GAB2: variants seen among roughly 807,000 people sequenced by gnomAD.
The protein encoded by GAB2 is GRB2 associated binding protein 2.
A neutral mutation model predicts 65.5 loss-of-function variants in GAB2; 26 were observed. The observed-to-expected ratio is 0.40, with a 90% CI of 0.29 to 0.55. The LOEUF is 0.55. Ranked by LOEUF, GAB2 falls within the 20% of genes least tolerant of loss-of-function variation. The pLI, the probability that GAB2 is intolerant of heterozygous loss-of-function variation, is 0.53. For missense variants in GAB2, 884 were observed against 875.8 expected (o/e 1.01, Z -0.12); for synonymous variants, 321 against 329.6 (o/e 0.97, Z 0.28).
rs1328536143 is a variant in GAB2, at chr11:78,353,940, AAC to A, written c.75+63704_75+63705del. 2.6e-5 allele frequency among the ~76,000 whole-genome samples: 4 copies of A among 152,238 alleles called. No homozygotes were observed. The East Asian group carries it at 7.7e-4, about 29-fold the overall frequency. The stretch of plus-strand genomic sequence containing the variant: ...TCAGAATCACCGGAAAGCTTGGTAA[AAC>A]ACAGACTGAAGGCTCCCAGCCTAGA... On this transcript the variant is annotated intron_variant, in intron 1 of 9. Coordinates refer to ENST00000361507, the MANE Select transcript of GAB2 (RefSeq NM_080491.3).
At chr11:78,260,120 G>A (rs758321518) in intron 2 of GAB2, among the ~76,000 whole-genome samples, 11 of 152,118 alleles carry the variant, frequency 7.2e-5, no homozygotes, top group Non-Finnish European at 7.4e-5. Context: ...ACTATAAAGC[G>A]GAGGAAGAAA....
chr11:78,402,119 C>T (rs960349653), intron 1 of GAB2, among the ~76,000 whole-genome samples: 1 of 152,206 alleles, frequency 6.6e-6, no homozygotes, highest in Admixed American at 6.5e-5. Context: ...AGCTTCAAAG[C>T]CTTCTATTCC....
At chr11:78,362,301 T>C (rs1856444606) in intron 1 of GAB2, among the ~76,000 whole-genome samples, 1 of 152,110 alleles carries the variant, frequency 6.6e-6, no homozygotes. Context: ...ACAGTATACT[T>C]TTCAAATATT....
chr11:78,238,658 G>T (rs1865054186), intron 3 of GAB2, among the ~76,000 whole-genome samples: 1 of 151,896 alleles, frequency 6.6e-6, no homozygotes. Context: ...AGACCTAAAT[G>T]TAAGAGCTAC....
rs546524144 is a variant in GAB2, at chr11:78,248,958, T to G, written c.620+1199A>C. ...TATCTTTTTAGGACTCAGCTCTTCA[T>G]GTATAAGTTGATGGAAGTTGAACTA... On this transcript the variant is annotated intron_variant, in intron 3 of 9. Transcript: ENST00000361507. Among the ~76,000 whole-genome samples the G allele has an allele frequency of 4.6e-5, 7 of 152,372 alleles. No homozygotes were observed. In the South Asian group the frequency reaches 1.4e-3, roughly 32 times the overall value.
intron 2 of GAB2, among the ~76,000 whole-genome samples, chr11:78,273,186 T>C (rs569384554): frequency 9.2e-5 from 14 of 152,186 alleles, no homozygotes; most frequent in African/African-American, 3.4e-4. Flanking sequence ...CACCGCCTAG[T>C]GGAGCTGTGA....
intron 1 of GAB2, among the ~76,000 whole-genome samples, chr11:78,411,814 G>A (rs1238199750): frequency 4.6e-5 from 7 of 151,696 alleles, no homozygotes; most frequent in African/African-American, 1.5e-4. Flanking sequence ...GGCGGATCAC[G>A]AGGTCAAGAG....
In GAB2 at chr11:78,317,534, T is replaced by C. The variant is rs141497198; in HGVS notation, c.76-36633A>G. On this transcript the variant is annotated intron_variant, in intron 1 of 9. Coordinates refer to ENST00000361507, the MANE Select transcript of GAB2 (RefSeq NM_080491.3). The stretch of plus-strand genomic sequence containing the variant: ...GAGATGGCGCCACTGCACTCCAGCC[T>C]GGCAACAGTGCGAGACTCCGTCTCA... Among the ~76,000 whole-genome samples, 1,048 of 116,870 alleles carry C rather than the reference T, an allele frequency of 9.0e-3. 10 individuals are homozygous for C. The highest frequency in any genetic ancestry group is 0.034 in the African/African-American group (994 of 29,534). The allele number at this position is 116,870 out of a possible 152,430, so 76.7% of individuals were successfully genotyped here. A position where few individuals can be genotyped will look rare whatever the true frequency, so the allele number is the denominator to read the frequency against.
In GAB2 at chr11:78,231,162, A is replaced by G. The variant is rs149566034; in HGVS notation, c.621-4111T>C. On this transcript the variant is annotated intron_variant, in intron 3 of 9. Transcript: ENST00000361507. ...AGTTGGAGCAGGAAGATACTCAAAC[A>G]CAAGCACGTATGGGAGCTCCCCAGA... Among the ~76,000 whole-genome samples, 541 of 152,292 alleles carry G rather than the reference A, an allele frequency of 3.6e-3. 3 individuals are homozygous for G. The highest frequency in any genetic ancestry group is 0.012 in the African/African-American group (514 of 41,552).
intron 2 of GAB2, 73 bp from the exon 3 acceptor site, chr11:78,250,473 G>A (rs1183044382): frequency 2.2e-6 from 3 of 1,380,412 alleles, no homozygotes; most frequent in Admixed American, 1.8e-5. Context: ...AGTTGTCAGA[G>A]GAAGAAAAAA....
intron 1 of GAB2, among the ~76,000 whole-genome samples, chr11:78,327,864 A>G (rs1244895134): frequency 6.6e-6 from 1 of 152,234 alleles, no homozygotes; most frequent in Non-Finnish European, 1.5e-5. Context: ...GATGGATATA[A>G]TACCTTACTA....
intron 1 of GAB2, among the ~76,000 whole-genome samples, chr11:78,391,296 T>C (rs1233057670): frequency 6.6e-6 from 1 of 151,830 alleles, no homozygotes; most frequent in African/African-American, 2.4e-5. Flanking sequence ...GTCTCTAAAT[T>C]AAAAAATAAA....
chr11:78,250,490 G>A, intron 2 of GAB2, 90 bp from the exon 3 acceptor site: 3 of 1,194,804 alleles, frequency 2.5e-6, no homozygotes, highest in Non-Finnish European at 3.7e-6. Context: ...AAAAGAGTAA[G>A]AGCAGAGAAA....
At chr11:78,266,214 C>CAAAA (rs11445907) in intron 2 of GAB2, among the ~76,000 whole-genome samples, 3,188 of 64,672 alleles carry the variant, frequency 0.049, 592 homozygotes, top group Non-Finnish European at 0.058. Flanking sequence ...GACTCCATCT[C>CAAAA]AAAAAAAAAA....
At chr11:78,382,031 T>A (rs986596081) in intron 1 of GAB2, among the ~76,000 whole-genome samples, 67 of 152,366 alleles carry the variant, frequency 4.4e-4, no homozygotes, top group African/African-American at 1.4e-3. Flanking sequence ...TAACAAGTTT[T>A]ACAAGTTGTT....
intron 9 of GAB2, among the ~76,000 whole-genome samples, chr11:78,220,052 T>A (rs963196859): frequency 6.6e-6 from 1 of 152,168 alleles, no homozygotes; most frequent in Non-Finnish European, 1.5e-5. Flanking sequence ...CAGATCTCTG[T>A]GCACTCATTT....
intron 1 of GAB2, among the ~76,000 whole-genome samples, chr11:78,336,348 A>C (rs1230099074): frequency 3.4e-5 from 5 of 149,170 alleles, no homozygotes; most frequent in East Asian, 3.9e-4. Flanking sequence ...AAAAAAAAAA[A>C]AAAAAAAAAA....
chr11:78,351,167 C>T lies in GAB2; in HGVS notation c.75+66479G>A, dbSNP rs1856271770. On this transcript the variant is annotated intron_variant, in intron 1 of 9. Coordinates refer to ENST00000361507, the MANE Select transcript of GAB2 (RefSeq NM_080491.3). ...ATACGACAGGACTACACTTCTGTTT[C>T]ACATGTCATAGCCTAGTACCTGTAT... Among the ~76,000 whole-genome samples, 3 of 152,286 alleles carry T rather than the reference C, an allele frequency of 2.0e-5. No homozygotes were observed. The South Asian group carries it at 6.2e-4, about 32-fold the overall frequency.
chr11:78,235,484 C>A (rs904635286), intron 3 of GAB2, among the ~76,000 whole-genome samples: 2 of 152,100 alleles, frequency 1.3e-5, no homozygotes, highest in Non-Finnish European at 2.9e-5. Flanking sequence ...CGTCAGGTGG[C>A]AAATTTTCCG....
Sources: allele counts gnomAD v4.1 joint callset (sites outside exome capture counted in the v4.1 genomes callset), GRCh38; gene constraint gnomAD v4.1.1; transcripts MANE v1.5; gene names NCBI Gene and HGNC (gene_info 2026-07-23, HGNC 2026-07-21).